The following LIMCH1 variants were observed in gnomAD, a reference collection of about 807,000 sequenced individuals.
LIMCH1 encodes the protein LIM and calponin homology domains 1, also known as LIM and calponin homology domains-containing protein 1.
LIMCH1 carries 113 observed loss-of-function variants against 176.5 expected under a neutral mutation model. The ratio of observed to expected loss-of-function variants is 0.64; its 90% confidence interval spans 0.55 to 0.75. The LOEUF (loss-of-function observed/expected upper bound fraction) is 0.75. Ranked by LOEUF, LIMCH1 falls within the 30% of genes least tolerant of loss-of-function variation. The probability of loss-of-function intolerance (pLI) is 0.00; values close to 1 mark genes in which losing one functional copy is unlikely to be tolerated. For missense variants in LIMCH1, 1,674 were observed against 1,814.9 expected (o/e 0.92, Z 1.41); for synonymous variants, 619 against 645.9 (o/e 0.96, Z 0.63).
intron 3 of LIMCH1, chr4:41,604,120 T>C (rs2090359766): frequency 1.2e-6 from 1 of 814,458 alleles, no homozygotes; most frequent in Non-Finnish European, 1.5e-6. Context: ...AGATAAGTGC[T>C]CAATCCAGAA....
chr4:41,382,132 C>A (rs995516328), intron 1 of LIMCH1, among the ~76,000 whole-genome samples: 4 of 152,174 alleles, frequency 2.6e-5, no homozygotes, highest in African/African-American at 9.7e-5. Flanking sequence ...TTGTTTACCA[C>A]TGAAGTGTGT....
intron 1 of LIMCH1, among the ~76,000 whole-genome samples, chr4:41,408,728 T>C (rs990352114): frequency 6.6e-6 from 1 of 152,220 alleles, no homozygotes; most frequent in African/African-American, 2.4e-5. Flanking sequence ...TGCTTCCACC[T>C]GAAATAACAT....
At chr4:41,406,119 CTT>C (rs905208954) in intron 1 of LIMCH1, among the ~76,000 whole-genome samples, 6 of 152,162 alleles carry the variant, frequency 3.9e-5, no homozygotes, top group Non-Finnish European at 8.8e-5. Context: ...TTCCTAATAA[CTT>C]TTGTATCTTC....
At chr4:41,665,373 G>A (rs1234879807) in intron 20 of LIMCH1, among the ~76,000 whole-genome samples, 2 of 152,178 alleles carry the variant, frequency 1.3e-5, no homozygotes, top group Admixed American at 6.5e-5. Flanking sequence ...CTTTGGGAAG[G>A]CTAGACCTTA....
Position 41,646,222 on chromosome 4 carries a change from G to A in LIMCH1, c.2353G>A (p.Asp785Asn). 6.2e-7 allele frequency: 1 copy of A among 1,614,018 alleles called. No homozygotes were observed. Among genetic ancestry groups the A allele is most frequent in the East Asian group, 2.2e-5 (1 of 44,874 alleles). Residue 785 changes from aspartate (D) to asparagine (N), a missense_variant, in exon 16 of 32, where the codon GAT becomes AAT. By Grantham distance (23) the Asp-to-Asn change is conservative. Around this residue, in one of 3 missense-constraint regions of LIMCH1, gnomAD observed 1,015 missense variants for 1,102.5 expected, o/e 0.92. Transcript: ENST00000503057. ...KKMEKLLAGE[D>N]GTSERRKSIK... ...AATGGAGAAGTTACTGGCTGGAGAA[G>A]ATGGGACAAGTGAACGAAGGAAAAG...
chr4:41,552,272 CTA>C (rs1357803315), intron 1 of LIMCH1, among the ~76,000 whole-genome samples: 1 of 152,144 alleles, frequency 6.6e-6, no homozygotes, highest in Non-Finnish European at 1.5e-5. Context: ...AACCATATCA[CTA>C]TGTGTTCATG....
At chr4:41,660,854 A>G (rs1011786081) in intron 18 of LIMCH1, among the ~76,000 whole-genome samples, 15 of 152,334 alleles carry the variant, frequency 9.8e-5, no homozygotes, top group African/African-American at 3.6e-4. Flanking sequence ...CCATATTTTG[A>G]TGAAAAGGAG....
At chr4:41,648,789 T>G (rs889791431) in intron 17 of LIMCH1, among the ~76,000 whole-genome samples, 2 of 150,858 alleles carry the variant, frequency 1.3e-5, no homozygotes, top group African/African-American at 4.9e-5. Context: ...GAGAAATAGT[T>G]TAAGGCAGTG....
chr4:41,675,402 G>A (rs778011568), intron 22 of LIMCH1, among the ~76,000 whole-genome samples: 8 of 152,016 alleles, frequency 5.3e-5, no homozygotes. Context: ...CATAGATTTT[G>A]CCTGCACCCC....
In LIMCH1 at chr4:41,681,033, T is replaced by G; in HGVS notation, c.3691T>G (p.Ser1231Ala). The change falls in exon 25 of 32, where the codon TCC (serine) becomes GCC (alanine). Residue 1231 changes from serine to alanine, a missense_variant. Ser to Ala is a moderately conservative substitution (Grantham distance 99). This residue lies in a region of LIMCH1 where 1,015 missense variants were observed against 1,102.5 expected (regional missense o/e 0.92). Coordinates refer to ENST00000503057, the MANE Select transcript of LIMCH1 (RefSeq NM_001330672.2). ...SSADQLSTSS[S>A]MTEGSGTMNK... ...CGCTGACCAGCTGTCTACCTCTTCC[T>G]CCATGACTGAAGGCAGTGGGACAAT... 6.2e-7 allele frequency: 1 copy of G among 1,610,606 alleles called. No individual in the cohort carries two copies. The highest frequency in any genetic ancestry group is 8.5e-7 in the Non-Finnish European group (1 of 1,177,066).
chr4:41,428,651 G>T (rs1256264377), intron 1 of LIMCH1, among the ~76,000 whole-genome samples: 1 of 152,192 alleles, frequency 6.6e-6, no homozygotes, highest in African/African-American at 2.4e-5. Flanking sequence ...TGGCTGGCTC[G>T]ATATTCTGTT....
rs540599355 is a variant in LIMCH1, at chr4:41,514,505, C to T, written c.168-9904C>T. Among the ~76,000 whole-genome samples, 8 of 152,228 alleles carry T rather than the reference C, an allele frequency of 5.3e-5. No individual in the cohort carries two copies. In the South Asian group the frequency reaches 1.5e-3, roughly 28 times the overall value. On this transcript the variant is annotated intron_variant, in intron 2 of 26. Transcript: ENST00000313860. ...GCTATATGAAGAGACTTTGTATGCT[C>T]AGGGACAAAGGCTAGGACAAGTGCA... is the stretch of plus-strand genomic sequence containing the variant.
At chr4:41,450,049 C>G (rs2154146131) in intron 1 of LIMCH1, among the ~76,000 whole-genome samples, 1 of 152,280 alleles carries the variant, frequency 6.6e-6, no homozygotes, top group East Asian at 1.9e-4. Context: ...TAACAAATTA[C>G]ATCTGTAATG....
chr4:41,628,254 G>T (rs2093097163), intron 8 of LIMCH1, among the ~76,000 whole-genome samples: 1 of 152,064 alleles, frequency 6.6e-6, no homozygotes, highest in Non-Finnish European at 1.5e-5. Context: ...GTCAGGAAAA[G>T]GACTAGCCTT....
intron 4 of LIMCH1, chr4:41,612,453 T>C: frequency 1.5e-6 from 1 of 684,078 alleles, no homozygotes; most frequent in East Asian, 2.7e-5. Flanking sequence ...GCCAGTGTTA[T>C]CCACAGTCCT....
At chr4:41,692,708 A>T (rs1727064325) in intron 31 of LIMCH1, 1 of 221,258 alleles carries the variant, frequency 4.5e-6, no homozygotes, top group Admixed American at 5.3e-5. Context: ...TTGTTCAGGC[A>T]TGTCTTTAGA....
chr4:41,573,727 G>C (rs1342855953), intron 1 of LIMCH1, among the ~76,000 whole-genome samples: 4 of 151,918 alleles, frequency 2.6e-5, no homozygotes, highest in African/African-American at 9.7e-5. Context: ...CATTTTTTAG[G>C]ACAAATTCCC....
intron 1 of LIMCH1, among the ~76,000 whole-genome samples, chr4:41,552,047 C>T (rs1452696961): frequency 7.2e-5 from 11 of 152,236 alleles, no homozygotes; most frequent in African/African-American, 2.2e-4. Flanking sequence ...GAGCAAGGGA[C>T]GTCTTACATG....
chr4:41,547,383 A>T (rs935474553), intron 1 of LIMCH1, among the ~76,000 whole-genome samples: 1 of 151,874 alleles, frequency 6.6e-6, no homozygotes, highest in African/African-American at 2.4e-5. Flanking sequence ...GCTTTTTTAG[A>T]TTCCAAGTAT....
Sources: gnomAD v4.1 joint callset for allele counts (sites outside exome capture counted in the v4.1 genomes callset) on GRCh38, gnomAD v4.1.1 for gene constraint, gnomAD v4.1.1 regional missense constraint, MANE v1.5 for transcripts, NCBI Gene and HGNC (gene_info 2026-07-23, HGNC 2026-07-21) for gene names.